The following PRKD1 variants were observed in gnomAD, a reference collection of about 807,000 sequenced individuals.
PRKD1 encodes protein kinase D1, also known as serine/threonine-protein kinase D1.
In PRKD1, 63 loss-of-function variants were observed where a neutral mutation model predicts 95.9. The ratio of observed to expected loss-of-function variants is 0.66; its 90% CI spans 0.54 to 0.81. PRKD1 has a LOEUF of 0.81. Among genes scored for constraint, PRKD1 ranks in the 30% least tolerant of loss-of-function variants. The pLI is 0.00. For synonymous variants in PRKD1, 425 were observed against 423.1 expected, an observed-to-expected ratio of 1.00 and a Z score of -0.05; for missense variants, 1,048 against 1,165.3, an observed-to-expected ratio of 0.90 and a Z score of 1.47.
chr14:29,779,596 C>T (rs1193861271), intron 1 of PRKD1, among the ~76,000 whole-genome samples: 2 of 152,128 alleles, frequency 1.3e-5, no homozygotes, highest in African/African-American at 4.8e-5. Flanking sequence ...TGAAGGACCT[C>T]TTCCAGGAGA....
At chr14:29,658,015 G>C (rs1436788524) in intron 4 of PRKD1, 1 of 152,162 alleles carries the variant, frequency 6.6e-6, no homozygotes, top group Non-Finnish European at 1.5e-5. Flanking sequence ...TTACAACTTT[G>C]TTTGCAGGTA....
chr14:29,619,151 G>A (rs1166155247), intron 13 of PRKD1, among the ~76,000 whole-genome samples: 1 of 151,922 alleles, frequency 6.6e-6, no homozygotes, highest in Non-Finnish European at 1.5e-5. Flanking sequence ...CCATTCAATT[G>A]ACTTCAATCA....
intron 13 of PRKD1, among the ~76,000 whole-genome samples, chr14:29,606,839 C>T (rs145720264): frequency 9.7e-4 from 147 of 152,160 alleles, no homozygotes; most frequent in African/African-American, 3.4e-3. Context: ...TTATTTAACC[C>T]AGAACAGGTT....
chr14:29,902,605 G>A (rs45550337), intron 1 of PRKD1, among the ~76,000 whole-genome samples: 2,235 of 152,272 alleles, frequency 0.015, 57 homozygotes, highest in African/African-American at 0.047. Flanking sequence ...TATTCTGAAA[G>A]TGCTCAGTAT....
chr14:29,829,089 C>A (rs946528107), intron 1 of PRKD1, among the ~76,000 whole-genome samples: 1 of 152,254 alleles, frequency 6.6e-6, no homozygotes, highest in African/African-American at 2.4e-5. Context: ...ATGGCCCAGG[C>A]AAACCCAAAT....
chr14:29,922,072 C>T (rs570606037), intron 1 of PRKD1, among the ~76,000 whole-genome samples: 3 of 151,772 alleles, frequency 2.0e-5, no homozygotes, highest in East Asian at 3.9e-4. Context: ...GAGGCCAAGG[C>T]GGGCGGATTA....
At chr14:29,714,290 T>C (rs1372096625) in intron 2 of PRKD1, among the ~76,000 whole-genome samples, 1 of 151,928 alleles carries the variant, frequency 6.6e-6, no homozygotes, top group African/African-American at 2.4e-5. Context: ...CCACAATAAA[T>C]ATGGGTGAAG....
intron 1 of PRKD1, among the ~76,000 whole-genome samples, chr14:29,797,321 G>C (rs1889861234): frequency 6.6e-6 from 1 of 152,088 alleles, no homozygotes; most frequent in Non-Finnish European, 1.5e-5. Flanking sequence ...AATCTCTTTG[G>C]TAATAATTGA....
intron 1 of PRKD1, among the ~76,000 whole-genome samples, chr14:29,798,249 CA>C (rs1889895404): frequency 6.6e-6 from 1 of 152,154 alleles, no homozygotes; most frequent in Non-Finnish European, 1.5e-5. Context: ...CAGCAATATG[CA>C]GTTCCACGCA....
chr14:29,788,938 G>A (rs1300736068), intron 1 of PRKD1, among the ~76,000 whole-genome samples: 2 of 151,960 alleles, frequency 1.3e-5, no homozygotes, highest in African/African-American at 2.4e-5. Context: ...TCAGGCTTGA[G>A]TGCAGTGGCG....
chr14:29,650,090 C>G (rs975458108), intron 4 of PRKD1, among the ~76,000 whole-genome samples: 1 of 152,120 alleles, frequency 6.6e-6, no homozygotes, highest in Non-Finnish European at 1.5e-5. Flanking sequence ...GGTGGTGAGC[C>G]ACTCTCGCCA....
chr14:29,734,986 C>T (rs1296115676), intron 1 of PRKD1, among the ~76,000 whole-genome samples: 2 of 152,140 alleles, frequency 1.3e-5, no homozygotes, highest in Admixed American at 6.5e-5. Flanking sequence ...GTTTGTTTCC[C>T]TTTTCTGAGG....
intron 1 of PRKD1, among the ~76,000 whole-genome samples, chr14:29,785,276 T>C (rs564034365): frequency 2.6e-4 from 39 of 152,354 alleles, no homozygotes; most frequent in African/African-American, 8.7e-4. Context: ...GTCTTTTGGA[T>C]GACAACCTCT....
At chr14:29,759,046 T>C (rs1042871620) in intron 1 of PRKD1, among the ~76,000 whole-genome samples, 13 of 152,244 alleles carry the variant, frequency 8.5e-5, no homozygotes, top group Non-Finnish European at 1.8e-4. Context: ...CAGTGTCCGT[T>C]ACTCACATGT....
intron 13 of PRKD1, among the ~76,000 whole-genome samples, chr14:29,620,494 C>T (rs1222848783): frequency 3.5e-5 from 5 of 144,698 alleles, no homozygotes; most frequent in Non-Finnish European, 7.6e-5. Context: ...AAACAAACAA[C>T]CCCATCAAAA....
intron 13 of PRKD1, among the ~76,000 whole-genome samples, chr14:29,615,616 C>A (rs998171714): frequency 6.6e-6 from 1 of 152,196 alleles, no homozygotes; most frequent in African/African-American, 2.4e-5. Context: ...CTGTGGTAAT[C>A]CATGACTTCC....
At chr14:29,650,790 G>A (rs1033208432) in intron 4 of PRKD1, among the ~76,000 whole-genome samples, 1 of 152,128 alleles carries the variant, frequency 6.6e-6, no homozygotes, top group African/African-American at 2.4e-5. Flanking sequence ...TGTAACTTAC[G>A]CTTATCTATT....
chr14:29,793,502 T>C (rs1387273190), intron 1 of PRKD1, among the ~76,000 whole-genome samples: 2 of 152,136 alleles, frequency 1.3e-5, no homozygotes, highest in Non-Finnish European at 2.9e-5. Context: ...ATCACAGCTA[T>C]CTTTTCCATG....
Position 29,854,584 on chromosome 14 carries a change from G to C in PRKD1, c.264+72665C>G, listed in dbSNP as rs1892427992. On this transcript the variant is annotated intron_variant, in intron 1 of 17. Transcript: ENST00000331968. The stretch of plus-strand genomic sequence containing the variant: ...CAGAAAATCTGCCGCCTGACAATGT[G>C]ATAGGAAACAAAGTACCATTTTCTG... Among the ~76,000 whole-genome samples, 3 of 152,178 alleles carry C rather than the reference G, an allele frequency of 2.0e-5. No homozygotes were observed. The South Asian group carries it at 6.2e-4, about 31-fold the overall frequency.
Sources: allele counts gnomAD v4.1 joint callset (sites outside exome capture counted in the v4.1 genomes callset), GRCh38; gene constraint gnomAD v4.1.1; transcripts MANE v1.5; gene names NCBI Gene and HGNC (gene_info 2026-07-23, HGNC 2026-07-21).